The following LRP1B variants were observed in gnomAD, a reference collection of about 807,000 sequenced individuals.
LRP1B encodes the protein LDL receptor related protein 1B, also known as low-density lipoprotein receptor-related protein 1B.
Under a neutral mutation model 556.6 loss-of-function variants are expected in LRP1B, and 217 were observed. The ratio of observed to expected loss-of-function variants is 0.39; its 90% CI spans 0.35 to 0.44. The LOEUF is 0.44. LRP1B is among the 20% of genes least tolerant of loss of function. LRP1B has a pLI of 1.00. For missense variants in LRP1B, 5,053 were observed against 5,620.8 expected (o/e 0.90, Z 3.23); for synonymous variants, 2,047 against 1,865.8 (o/e 1.10, Z -2.50).
At chr2:141,698,493 T>TA (rs34461101) in intron 2 of LRP1B, among the ~76,000 whole-genome samples, 4,550 of 140,056 alleles carry the variant, frequency 0.032, 223 homozygotes, top group African/African-American at 0.11. Flanking sequence ...GTTGTACACT[T>TA]AAAAAAAAAA....
At chr2:140,852,633 C>T (rs920574214) in intron 27 of LRP1B, among the ~76,000 whole-genome samples, 1 of 152,164 alleles carries the variant, frequency 6.6e-6, no homozygotes, top group Non-Finnish European at 1.5e-5. Context: ...ATTAAGTCAT[C>T]TACTTCTTTG....
chr2:141,647,723 G>C (rs1312676285), intron 2 of LRP1B, among the ~76,000 whole-genome samples: 1 of 117,912 alleles, frequency 8.5e-6, no homozygotes, highest in Non-Finnish European at 1.7e-5. Flanking sequence ...TTTTAAATAA[G>C]AGAGACAAGT....
intron 41 of LRP1B, among the ~76,000 whole-genome samples, chr2:140,606,507 C>T (rs1682872952): frequency 6.6e-6 from 1 of 151,876 alleles, no homozygotes; most frequent in African/African-American, 2.4e-5. Flanking sequence ...AATTGACAAG[C>T]TGACCTTAAA....
At chr2:141,467,120 ATATC>A (rs1423921508) in intron 3 of LRP1B, among the ~76,000 whole-genome samples, 771 of 3,662 alleles carry the variant, frequency 0.21, 42 homozygotes, top group African/African-American at 0.28. Context: ...ATATATATAT[ATATC>A]TATATATATA....
At chr2:141,197,932 C>T (rs980659472) in intron 6 of LRP1B, among the ~76,000 whole-genome samples, 6 of 152,048 alleles carry the variant, frequency 3.9e-5, no homozygotes, top group Non-Finnish European at 8.8e-5. Flanking sequence ...TTTCTATTCA[C>T]GTTTCTGTTC....
At chr2:142,057,545 TTTAAC>T (rs1360607338) in intron 1 of LRP1B, among the ~76,000 whole-genome samples, 6 of 152,176 alleles carry the variant, frequency 3.9e-5, no homozygotes, top group Admixed American at 3.9e-4. Flanking sequence ...GTTGATTGGC[TTTAAC>T]TAAATGAACA....
intron 1 of LRP1B, among the ~76,000 whole-genome samples, chr2:141,837,937 A>G (rs1192261061): frequency 6.6e-6 from 1 of 152,144 alleles, no homozygotes; most frequent in Non-Finnish European, 1.5e-5. Flanking sequence ...GAAAAAATGT[A>G]TGTCATGTTG....
chr2:140,849,139 G>A (rs888715693), intron 29 of LRP1B, among the ~76,000 whole-genome samples: 4 of 147,396 alleles, frequency 2.7e-5, no homozygotes, highest in East Asian at 2.0e-4. Context: ...GGTGGATTGC[G>A]AGGTCAGGAG....
rs1284354287 is a variant in LRP1B, at chr2:140,321,974, T to C, written c.12629A>G (p.Asp4210Gly). The C allele has an allele frequency of 6.2e-7, 1 of 1,612,810 alleles. No individual in the cohort carries two copies. Among genetic ancestry groups the C allele is most frequent in the Non-Finnish European group, 8.5e-7 (1 of 1,179,248 alleles). The change falls in exon 82 of 91, where the codon GAC becomes GGC. Residue 4210 changes from aspartate to glycine, a missense_variant. Transcript: ENST00000389484. Reference protein sequence around the residue: ...KYLINGTCNDDSLLDDSCKLT... With the variant: ...KYLINGTCNDGSLLDDSCKLT... ...TAAAGTATACCCACCTAACAGGCTGTCATCATTGCAGGTGCCATTAATCAA... is the reference window on the plus strand; with the variant it reads ...TAAAGTATACCCACCTAACAGGCTGCCATCATTGCAGGTGCCATTAATCAA...
intron 79 of LRP1B, among the ~76,000 whole-genome samples, chr2:140,329,971 G>A (rs907891343): frequency 8.6e-5 from 13 of 151,838 alleles, no homozygotes; most frequent in East Asian, 3.9e-4. Context: ...AGGCTGAGGC[G>A]GGTTGATCGC....
At chr2:141,386,354 T>C (rs530923069) in intron 3 of LRP1B, among the ~76,000 whole-genome samples, 2 of 152,260 alleles carry the variant, frequency 1.3e-5, no homozygotes, top group South Asian at 2.1e-4. Flanking sequence ...GCAGAATTAA[T>C]TCCTTACTCA....
At chr2:140,873,211 G>T (rs1264626943) in intron 25 of LRP1B, among the ~76,000 whole-genome samples, 1 of 152,050 alleles carries the variant, frequency 6.6e-6, no homozygotes, top group African/African-American at 2.4e-5. Context: ...ATTATAAGGT[G>T]TCAAAATTTG....
At chr2:141,058,819 C>A (rs2105462205) in intron 9 of LRP1B, 64 bp downstream of exon 9, 1 of 1,363,682 alleles carries the variant, frequency 7.3e-7, no homozygotes, top group South Asian at 1.6e-5. Flanking sequence ...CATACAAAAG[C>A]ACAAGGACTA....
chr2:141,299,457 T>G (rs2105426474), intron 3 of LRP1B, among the ~76,000 whole-genome samples: 1 of 152,338 alleles, frequency 6.6e-6, no homozygotes, highest in South Asian at 2.1e-4. Flanking sequence ...TAAGAACTGG[T>G]ACTTGATATT....
chr2:141,672,692 A>G (rs981417066), intron 2 of LRP1B, among the ~76,000 whole-genome samples: 4 of 152,212 alleles, frequency 2.6e-5, no homozygotes, highest in African/African-American at 7.2e-5. Flanking sequence ...AAAATGCATA[A>G]AAACAACACA....
intron 2 of LRP1B, among the ~76,000 whole-genome samples, chr2:141,741,519 T>C (rs1195098837): frequency 6.6e-6 from 1 of 152,110 alleles, no homozygotes; most frequent in Non-Finnish European, 1.5e-5. Context: ...CTTATTGTAG[T>C]TTTGATTTGC....
Position 140,753,690 on chromosome 2 carries a change from G to A in LRP1B, c.5758+15523C>T, listed in dbSNP as rs1295307182. 2.6e-5 allele frequency among the ~76,000 whole-genome samples: 4 copies of A among 152,108 alleles called. No homozygotes were observed. The East Asian group carries it at 7.7e-4, about 29-fold the overall frequency. On this transcript the variant is annotated intron_variant, in intron 35 of 90. Coordinates refer to ENST00000389484, the MANE Select transcript of LRP1B (RefSeq NM_018557.3). ...GGCACTTGCACTAAATACTATTACT[G>A]CTTCCTCCACCACCTCAGTTCAGCT... is the stretch of plus-strand genomic sequence containing the variant.
intron 37 of LRP1B, among the ~76,000 whole-genome samples, chr2:140,707,581 G>T (rs1425438963): frequency 1.3e-5 from 2 of 151,974 alleles, no homozygotes; most frequent in East Asian, 3.9e-4. Context: ...CATGTCCATG[G>T]CTACATCTTC....
rs115247086 is a variant in LRP1B at position 140,626,032 on chromosome 2, C to T, written c.6800-24393G>A. Among the ~76,000 whole-genome samples, 1,008 of 152,248 alleles carry T rather than the reference C, an allele frequency of 6.6e-3. 12 individuals are homozygous for T. Among genetic ancestry groups the T allele is most frequent in the African/African-American group, 0.023 (942 of 41,550 alleles). Reference sequence around the variant, plus strand: ...TGTGGTATATCCAGGCAATGGAATGCTATTCACTGCTAAGAAGAAATGAGC... The same window carrying T: ...TGTGGTATATCCAGGCAATGGAATGTTATTCACTGCTAAGAAGAAATGAGC... On this transcript the variant is annotated intron_variant, in intron 41 of 90. Coordinates refer to ENST00000389484, the MANE Select transcript of LRP1B (RefSeq NM_018557.3).
Sources: gnomAD v4.1 joint callset for allele counts (sites outside exome capture counted in the v4.1 genomes callset) on GRCh38, gnomAD v4.1.1 for gene constraint, MANE v1.5 for transcripts, NCBI Gene and HGNC (gene_info 2026-07-23, HGNC 2026-07-21) for gene names.